LRRIQ1: variants seen among roughly 807,000 people sequenced by gnomAD.
LRRIQ1 encodes the protein leucine-rich repeat- and IQ domain-containing protein 1.
In LRRIQ1, 210 loss-of-function variants were observed where a neutral mutation model predicts 211.9. That is an observed-to-expected ratio of 0.99 (90% CI 0.89 to 1.11). The LOEUF is 1.11. Among genes scored for constraint, LRRIQ1 ranks in the 50% most tolerant of loss-of-function variants. LRRIQ1 has a pLI of 0.00. For missense variants in LRRIQ1, 2,136 were observed against 1,939.5 expected (o/e 1.10, Z -1.90); for synonymous variants, 699 against 650.1 (o/e 1.08, Z -1.14).
intron 1 of LRRIQ1, among the ~76,000 whole-genome samples, chr12:85,253,642 A>T (rs568690844): frequency 6.6e-6 from 1 of 152,234 alleles, no homozygotes; most frequent in Admixed American, 6.6e-5. Context: ...ATAAATTTAC[A>T]GTTTTACATA....
intron 24 of LRRIQ1, among the ~76,000 whole-genome samples, chr12:85,182,002 G>A (rs1320994946): frequency 1.3e-5 from 2 of 151,664 alleles, no homozygotes; most frequent in Non-Finnish European, 2.9e-5. Flanking sequence ...CCTTTCTATT[G>A]TTATATGTGT....
chr12:85,188,037 A>G (rs1216762138), intron 24 of LRRIQ1, among the ~76,000 whole-genome samples: 3 of 151,964 alleles, frequency 2.0e-5, no homozygotes, highest in East Asian at 3.9e-4. Context: ...TTTAAAAGCT[A>G]TGACTAGAAT....
At chr12:85,270,058 T>A in the LRRIQ1 span, among the ~76,000 whole-genome samples, 783 of 152,118 alleles carry the variant, frequency 5.1e-3, 3 homozygotes, top group African/African-American at 0.018. Context: ...CTTCATGACC[T>A]AATCTAACGT....
chr12:85,256,022 G>A (rs1896079051), intron 1 of LRRIQ1, among the ~76,000 whole-genome samples: 1 of 151,626 alleles, frequency 6.6e-6, no homozygotes, highest in Non-Finnish European at 1.5e-5. Flanking sequence ...ACTATCCTAA[G>A]TAACAACATT....
chr12:85,071,300 A>G (rs1221453427), intron 10 of LRRIQ1, among the ~76,000 whole-genome samples: 1 of 151,958 alleles, frequency 6.6e-6, no homozygotes, highest in Non-Finnish European at 1.5e-5. Flanking sequence ...CTCTCACAAA[A>G]TGTAGCATAT....
chr12:85,229,600 C>A lies in LRRIQ1; in HGVS notation c.4906C>A (p.His1636Asn). 1 of 1,612,882 alleles carries A rather than the reference C, an allele frequency of 6.2e-7. No homozygotes were observed. The highest frequency in any genetic ancestry group is 8.5e-7 in the Non-Finnish European group (1 of 1,179,392). The part of the protein sequence containing the change: ...RNREYTYQWL[H>N]TQVGVHETTS... ...TAGAGAATATACATACCAATGGCTT[C>A]ACACACAGGTTGGGGTTCATGAAAC... Residue 1636 changes from histidine to asparagine, a missense_variant, in exon 25 of 27, where the codon CAC becomes AAC. By Grantham distance (68) the His-to-Asn change is moderately conservative. Coordinates refer to ENST00000393217, the MANE Select transcript of LRRIQ1 (RefSeq NM_001079910.2).
chr12:85,161,112 T>C (rs1890850064), intron 24 of LRRIQ1, among the ~76,000 whole-genome samples: 1 of 152,142 alleles, frequency 6.6e-6, no homozygotes, highest in African/African-American at 2.4e-5. Flanking sequence ...TTAAGCCCTA[T>C]AAATTATACT....
At chr12:85,238,549 A>C (rs999891724) in intron 26 of LRRIQ1, among the ~76,000 whole-genome samples, 6 of 152,126 alleles carry the variant, frequency 3.9e-5, no homozygotes, top group Non-Finnish European at 8.8e-5. Flanking sequence ...ACAAATATTG[A>C]CATCCAGAAG....
rs1888207835 is a variant in LRRIQ1, at chr12:85,124,329, A to G, written c.3817A>G (p.Ser1273Gly). 13 of 1,614,012 alleles carry G rather than the reference A, an allele frequency of 8.1e-6. No individual in the cohort carries two copies. Among genetic ancestry groups the G allele is most frequent in the Non-Finnish European group, 1.1e-5 (13 of 1,180,026 alleles). ...IPEKWMDSVS[S>G]HSPLSKSATC... ...TGAGAAATGGATGGACTCTGTCTCCAGCCACTCCCCATTAAGCAAATCCGC... is the reference window on the plus strand; with the variant it reads ...TGAGAAATGGATGGACTCTGTCTCCGGCCACTCCCCATTAAGCAAATCCGC... The change falls in exon 17 of 27, where the codon AGC (serine) becomes GGC (glycine). Residue 1273 changes from serine to glycine, a missense_variant. By Grantham distance (56) the Ser-to-Gly change is moderately conservative. Coordinates refer to ENST00000393217, the MANE Select transcript of LRRIQ1 (RefSeq NM_001079910.2).
chr12:85,069,511 G>T (rs1351759014), intron 10 of LRRIQ1, among the ~76,000 whole-genome samples: 1 of 151,934 alleles, frequency 6.6e-6, no homozygotes, highest in Non-Finnish European at 1.5e-5. Context: ...CTGAGGAATC[G>T]CCACGCTGAC....
intron 11 of LRRIQ1, among the ~76,000 whole-genome samples, chr12:85,080,826 CTTG>C (rs918883567): frequency 6.6e-6 from 1 of 151,270 alleles, no homozygotes; most frequent in African/African-American, 2.4e-5. Flanking sequence ...GTTTCTATTA[CTTG>C]TTGTTTTTCT....
At chr12:85,186,529 G>C (rs1892235753) in intron 24 of LRRIQ1, among the ~76,000 whole-genome samples, 1 of 152,060 alleles carries the variant, frequency 6.6e-6, no homozygotes, top group African/African-American at 2.4e-5. Flanking sequence ...GCATAGATTT[G>C]TCAGCCCCTT....
At chr12:85,151,664 A>G (rs1890254354) in intron 19 of LRRIQ1, among the ~76,000 whole-genome samples, 2 of 151,640 alleles carry the variant, frequency 1.3e-5, no homozygotes, top group South Asian at 4.1e-4. Context: ...TTGGAGAAAT[A>G]TGTCTTAAGA....
At chr12:85,255,197 G>T in intron 1 of LRRIQ1, among the ~76,000 whole-genome samples, 1 of 151,688 alleles carries the variant, frequency 6.6e-6, no homozygotes, top group Non-Finnish European at 1.5e-5. Context: ...TAGATTTGAT[G>T]ATAAAAATGT....
intron 23 of LRRIQ1, among the ~76,000 whole-genome samples, chr12:85,155,552 G>T (rs1038174420): frequency 6.6e-6 from 1 of 151,516 alleles, no homozygotes; most frequent in South Asian, 2.1e-4. Flanking sequence ...TTAAACAACT[G>T]TTTTGAGAAT....
At chr12:85,132,345 C>A (rs1215129843) in intron 18 of LRRIQ1, among the ~76,000 whole-genome samples, 1 of 151,960 alleles carries the variant, frequency 6.6e-6, no homozygotes, top group Admixed American at 6.6e-5. Flanking sequence ...CCTTTCGGGA[C>A]AGGGTTGCAG....
At chr12:85,099,233 T>G (rs922945843) in intron 13 of LRRIQ1, among the ~76,000 whole-genome samples, 38 of 152,004 alleles carry the variant, frequency 2.5e-4, no homozygotes, top group Non-Finnish European at 1.2e-4. Context: ...TAATTTTATT[T>G]CTTCTCAAAG....
chr12:85,186,990 G>A (rs1892257185), intron 24 of LRRIQ1, among the ~76,000 whole-genome samples: 2 of 152,044 alleles, frequency 1.3e-5, no homozygotes, highest in South Asian at 2.1e-4. Context: ...CTGAACCTCC[G>A]TAAAGCATCA....
intron 13 of LRRIQ1, among the ~76,000 whole-genome samples, chr12:85,101,333 T>C (rs1481137993): frequency 6.6e-6 from 1 of 151,868 alleles, no homozygotes; most frequent in Non-Finnish European, 1.5e-5. Context: ...GTAAGACATG[T>C]GACTGTTTTA....
Sources: allele counts gnomAD v4.1 joint callset (sites outside exome capture counted in the v4.1 genomes callset), GRCh38; gene constraint gnomAD v4.1.1; transcripts MANE v1.5; gene names NCBI Gene and HGNC (gene_info 2026-07-23, HGNC 2026-07-21).